Variants in NTRK3 observed in about 807,000 individuals in gnomAD.
The protein encoded by NTRK3 is neurotrophic receptor tyrosine kinase 3.
A neutral mutation model predicts 91.7 loss-of-function variants in NTRK3; 24 were observed. That is an observed-to-expected ratio of 0.26 (90% CI 0.19 to 0.37). The LOEUF (loss-of-function observed/expected upper bound fraction) is 0.37, where lower values mean the gene tolerates loss of function less well. Ranked by LOEUF, NTRK3 falls within the 10% of genes least tolerant of loss-of-function variation. The probability of loss-of-function intolerance (pLI) is 1.00; values close to 1 mark genes in which losing one functional copy is unlikely to be tolerated. For synonymous variants in NTRK3, 483 were observed against 404.0 expected, an observed-to-expected ratio of 1.20 and a Z score of -2.34; for missense variants, 880 against 1,068.9, an observed-to-expected ratio of 0.82 and a Z score of 2.46.
chr15:88,142,874 G>T (rs891794393), intron 6 of NTRK3, among the ~76,000 whole-genome samples: 5 of 152,174 alleles, frequency 3.3e-5, no homozygotes, highest in Admixed American at 1.3e-4. Context: ...CAAGGGATAA[G>T]ATCACTCTCG....
intron 13 of NTRK3, among the ~76,000 whole-genome samples, chr15:88,116,815 T>C (rs1203852913): frequency 1.3e-5 from 2 of 152,228 alleles, no homozygotes; most frequent in African/African-American, 2.4e-5. Flanking sequence ...TATAGGATGG[T>C]GGTTCCTAAA....
intron 15 of NTRK3, among the ~76,000 whole-genome samples, chr15:87,940,369 G>C (rs1243155852): frequency 2.6e-5 from 4 of 152,136 alleles, no homozygotes; most frequent in Non-Finnish European, 5.9e-5. Flanking sequence ...CACTAAAAAA[G>C]GACCAGGGTC....
chr15:88,247,852 G>A (rs1011623596), intron 3 of NTRK3, among the ~76,000 whole-genome samples: 1 of 152,136 alleles, frequency 6.6e-6, no homozygotes. Context: ...AGAGAGGCGG[G>A]GTAAGGTCGC....
intron 17 of NTRK3, among the ~76,000 whole-genome samples, chr15:87,924,001 A>G (rs2068088609): frequency 6.6e-6 from 1 of 152,192 alleles, no homozygotes; most frequent in Admixed American, 6.5e-5. Flanking sequence ...TTTCTTTAAT[A>G]AATTACCCAT....
chr15:88,075,798 G>A (rs557914594), intron 13 of NTRK3, among the ~76,000 whole-genome samples: 3 of 152,276 alleles, frequency 2.0e-5, no homozygotes, highest in South Asian at 4.1e-4. Flanking sequence ...GGGGGCAGGG[G>A]GTGTCACATG....
chr15:87,906,952 C>T (rs186059903), intron 17 of NTRK3, among the ~76,000 whole-genome samples: 1 of 152,194 alleles, frequency 6.6e-6, no homozygotes, highest in Admixed American at 6.5e-5. Context: ...CTGGCACCAA[C>T]AATAACTCAG....
intron 14 of NTRK3, among the ~76,000 whole-genome samples, chr15:87,943,770 C>T (rs2070144436): frequency 6.6e-6 from 1 of 152,056 alleles, no homozygotes; most frequent in African/African-American, 2.4e-5. Context: ...TCTCAGCCCT[C>T]CCTCAACATC....
chr15:88,190,120 G>A (rs542040507), intron 3 of NTRK3, among the ~76,000 whole-genome samples: 10 of 152,210 alleles, frequency 6.6e-5, no homozygotes, highest in South Asian at 2.1e-4. Flanking sequence ...TTCCTTTCTC[G>A]ACAGGTAGCA....
At chr15:88,109,767 T>A (rs1417911697) in intron 13 of NTRK3, among the ~76,000 whole-genome samples, 8 of 151,786 alleles carry the variant, frequency 5.3e-5, no homozygotes, top group Non-Finnish European at 1.0e-4. Context: ...GCTGGGGGAG[T>A]AGCCTAGCTG....
In NTRK3 at chr15:88,132,255, A is replaced by G. The variant is rs2041429227; in HGVS notation, c.1204+2846T>C. 2.0e-5 allele frequency among the ~76,000 whole-genome samples: 3 copies of G among 152,230 alleles called. No homozygotes were observed. The South Asian group carries it at 6.2e-4, about 32-fold the overall frequency. Reference sequence around the variant, plus strand: ...ACTCTTGAATTCATCTCAGCTCTACATCCTAAGAATCTTAACAATGGCCCA... The same window carrying G: ...ACTCTTGAATTCATCTCAGCTCTACGTCCTAAGAATCTTAACAATGGCCCA... On this transcript the variant is annotated intron_variant, in intron 10 of 18. Coordinates refer to ENST00000394480, the Ensembl canonical transcript of NTRK3.
intron 14 of NTRK3, among the ~76,000 whole-genome samples, chr15:87,969,304 G>A (rs928337037): frequency 5.3e-5 from 8 of 152,192 alleles, no homozygotes; most frequent in African/African-American, 1.4e-4. Context: ...TGACGCGTGT[G>A]CCAGAGTCCC....
intron 14 of NTRK3, chr15:87,977,539 TA>T (rs1410524613): frequency 1.3e-5 from 3 of 229,154 alleles, no homozygotes; most frequent in Non-Finnish European, 1.7e-5. Context: ...TTACAATAAT[TA>T]AAAAACATCA....
At chr15:87,897,704 G>A (rs1174813253) in intron 17 of NTRK3, among the ~76,000 whole-genome samples, 1 of 152,198 alleles carries the variant, frequency 6.6e-6, no homozygotes, top group African/African-American at 2.4e-5. Context: ...CAGGTACTGA[G>A]AGTTAGGTTC....
intron 13 of NTRK3, among the ~76,000 whole-genome samples, chr15:88,124,446 T>C (rs1432213847): frequency 6.6e-6 from 1 of 152,164 alleles, no homozygotes; most frequent in African/African-American, 2.4e-5. Context: ...AAATCTGCTC[T>C]TACAGCACTG....
At chr15:88,155,107 A>T (rs931242172) in intron 5 of NTRK3, among the ~76,000 whole-genome samples, 1 of 152,174 alleles carries the variant, frequency 6.6e-6, no homozygotes, top group Non-Finnish European at 1.5e-5. Context: ...AAATCTCGAG[A>T]ATCTGTGAAT....
At chr15:88,125,108 T>C (rs1179312994) in intron 13 of NTRK3, among the ~76,000 whole-genome samples, 1 of 152,178 alleles carries the variant, frequency 6.6e-6, no homozygotes, top group African/African-American at 2.4e-5. Flanking sequence ...GCCTCCTGAG[T>C]AGCTGGGTTT....
chr15:87,968,086 C>T (rs960628360), intron 14 of NTRK3, among the ~76,000 whole-genome samples: 2 of 152,132 alleles, frequency 1.3e-5, no homozygotes, highest in Admixed American at 1.3e-4. Flanking sequence ...ATAGTGTATG[C>T]CTTTTTTACT....
intron 14 of NTRK3, among the ~76,000 whole-genome samples, chr15:88,019,588 G>A (rs923502971): frequency 1.3e-5 from 2 of 152,198 alleles, no homozygotes; most frequent in Non-Finnish European, 2.9e-5. Context: ...CTACTTAGGG[G>A]CTTTGGGAAA....
At chr15:88,208,130 T>G (rs2048949440) in intron 3 of NTRK3, among the ~76,000 whole-genome samples, 1 of 152,176 alleles carries the variant, frequency 6.6e-6, no homozygotes, top group African/African-American at 2.4e-5. Context: ...GAAGTGGCAA[T>G]GTCAGAAACA....
Sources: allele counts gnomAD v4.1 joint callset (sites outside exome capture counted in the v4.1 genomes callset), GRCh38; gene constraint gnomAD v4.1.1; transcripts MANE v1.5; gene names NCBI Gene and HGNC (gene_info 2026-07-23, HGNC 2026-07-21).